ABI1: variants seen among roughly 807,000 people sequenced by gnomAD.
The protein encoded by ABI1 is Abelson interactor 1.
Under a neutral mutation model 54.6 loss-of-function variants are expected in ABI1, and 14 were observed. The observed-to-expected ratio is 0.26, with a 90% CI of 0.17 to 0.40. The LOEUF is 0.40. ABI1 is among the 10% of genes least tolerant of loss of function. The pLI is 1.00. For synonymous variants in ABI1, 194 were observed against 209.3 expected, an observed-to-expected ratio of 0.93 and a Z score of 0.63; for missense variants, 443 against 598.3, an observed-to-expected ratio of 0.74 and a Z score of 2.71.
At chr10:26,755,847 A>G (rs773944284) in intron 8 of ABI1, 106 bp from the exon 9 acceptor site, 417 of 701,552 alleles carry the variant, frequency 5.9e-4, no homozygotes, top group Non-Finnish European at 6.7e-4. Context: ...ATAAGTATGC[A>G]AAGAACAGTT....
intron 1 of ABI1, among the ~76,000 whole-genome samples, chr10:26,834,070 A>G (rs1387469307): frequency 2.0e-5 from 3 of 152,116 alleles, no homozygotes; most frequent in Non-Finnish European, 4.4e-5. Flanking sequence ...GCTCTGCTAA[A>G]AAAACAAAAA....
chr10:26,817,290 G>A (rs12256219), intron 2 of ABI1, among the ~76,000 whole-genome samples: 32,056 of 151,898 alleles, frequency 0.21, 3,579 homozygotes, highest in African/African-American at 0.3. Flanking sequence ...CACCATGTCC[G>A]GCCAAGAGAT....
At chr10:26,789,113 G>A (rs1843095169) in intron 2 of ABI1, 1 of 152,088 alleles carries the variant, frequency 6.6e-6, no homozygotes, top group Non-Finnish European at 1.5e-5. Context: ...TTGGAGCCAT[G>A]CAGCTTCCCG....
chr10:26,764,849 C>CA (rs1554807962), intron 7 of ABI1, among the ~76,000 whole-genome samples: 2 of 152,124 alleles, frequency 1.3e-5, no homozygotes, highest in Non-Finnish European at 1.5e-5. Context: ...AGGTTATATG[C>CA]AAATACTACA....
chr10:26,784,938 G>A (rs1373166693), intron 2 of ABI1, among the ~76,000 whole-genome samples: 2 of 152,148 alleles, frequency 1.3e-5, no homozygotes, highest in African/African-American at 4.8e-5. Flanking sequence ...AGTAAAGTCA[G>A]CACAGAAACA....
chr10:26,813,083 T>C (rs971364971), intron 2 of ABI1, among the ~76,000 whole-genome samples: 1 of 152,014 alleles, frequency 6.6e-6, no homozygotes, highest in Non-Finnish European at 1.5e-5. Flanking sequence ...ACCCCGTCTC[T>C]AAGAAAAATA....
intron 7 of ABI1, chr10:26,764,013 AT>A: frequency 7.2e-7 from 1 of 1,384,848 alleles, no homozygotes; most frequent in East Asian, 2.3e-5. Flanking sequence ...AAAACTCAAC[AT>A]TTTGAAACAG....
At chr10:26,854,358 T>C (rs888528426) in intron 1 of ABI1, among the ~76,000 whole-genome samples, 4 of 151,518 alleles carry the variant, frequency 2.6e-5, no homozygotes, top group Admixed American at 1.3e-4. Context: ...ATATGCAGTA[T>C]TCTCACCTTG....
At chr10:26,833,618 C>T in intron 1 of ABI1, among the ~76,000 whole-genome samples, 1 of 152,112 alleles carries the variant, frequency 6.6e-6, no homozygotes, top group Non-Finnish European at 1.5e-5. Context: ...TAACTCCTTC[C>T]ATGTTAACAA....
chr10:26,815,925 AT>A (rs886272756), intron 2 of ABI1, among the ~76,000 whole-genome samples: 2 of 152,234 alleles, frequency 1.3e-5, no homozygotes, highest in African/African-American at 4.8e-5. Flanking sequence ...AAACATAAAA[AT>A]AAATAAATTT....
chr10:26,765,149 A>G, intron 7 of ABI1, 69 bp downstream of exon 7: 1 of 1,125,862 alleles, frequency 8.9e-7, no homozygotes, highest in Non-Finnish European at 1.3e-6. Flanking sequence ...TGACTAATTT[A>G]TTTCAGCCTT....
In ABI1 at chr10:26,860,909, G is replaced by A. The variant is rs747854690; in HGVS notation, c.-46C>T. ...TTCCTCTCGCGTTAAAGAGACAGAG[G>A]CAGCAAGGTCCGCCGAGGCTCCGAG... On this transcript the variant is annotated 5_prime_UTR_variant, in exon 1 of 11. Coordinates refer to ENST00000376140, the MANE Select transcript of ABI1 (RefSeq NM_001012750.3). The surrounding 1 kb of genome is among the most constrained non-coding windows in gnomAD (Gnocchi z 4.1). 6 of 1,573,560 alleles carry A rather than the reference G, an allele frequency of 3.8e-6. No homozygotes were observed. The East Asian group carries it at 1.3e-4, about 35-fold the overall frequency.
intron 7 of ABI1, among the ~76,000 whole-genome samples, chr10:26,764,462 G>C (rs1169841552): frequency 6.6e-6 from 1 of 152,168 alleles, no homozygotes; most frequent in Non-Finnish European, 1.5e-5. Flanking sequence ...CACCAGAGTA[G>C]ATACTGGCCT....
At chr10:26,787,642 CGA>C (rs1842873327) in intron 2 of ABI1, among the ~76,000 whole-genome samples, 1 of 152,108 alleles carries the variant, frequency 6.6e-6, no homozygotes, top group South Asian at 2.1e-4. Flanking sequence ...GTTCACCAAG[CGA>C]GAGTTAGCTT....
Position 26,748,453 on chromosome 10 carries a change from ACAG to A in ABI1, c.*114_*116del. On this transcript the variant is annotated 3_prime_UTR_variant, in exon 11 of 11. Transcript: ENST00000376140. Reference sequence around the variant, plus strand: ...GGTAGACATTCAATTTACCAATAAAACAGCATGTTCTGAAAATATGGGCACATT... The same window carrying A: ...GGTAGACATTCAATTTACCAATAAAACATGTTCTGAAAATATGGGCACATT... 1.3e-6 allele frequency: 1 copy of A among 754,738 alleles called. No homozygotes were observed. Among genetic ancestry groups the A allele is most frequent in the Non-Finnish European group, 2.0e-6 (1 of 498,608 alleles). 46.8% of individuals were successfully genotyped at this position (754,738 alleles called of 1,614,324 possible). A position where few individuals can be genotyped will look rare whatever the true frequency, so the allele number is the denominator to read the frequency against.
chr10:26,825,411 A>G (rs2048247792), intron 1 of ABI1, among the ~76,000 whole-genome samples: 1 of 152,184 alleles, frequency 6.6e-6, no homozygotes, highest in South Asian at 2.1e-4. Context: ...CTGTAATCCC[A>G]GCACTTTGGG....
chr10:26,842,937 G>A (rs563078688), intron 1 of ABI1, among the ~76,000 whole-genome samples: 14 of 152,110 alleles, frequency 9.2e-5, no homozygotes, highest in African/African-American at 2.6e-4. Flanking sequence ...CCAGCTACTC[G>A]GGAAGCTGAG....
rs1575607 is a variant in ABI1, at chr10:26,781,693, T to A, written c.286-4452A>T. On this transcript the variant is annotated intron_variant, in intron 2 of 10. Coordinates refer to ENST00000376140, the MANE Select transcript of ABI1 (RefSeq NM_001012750.3). ...CTGCCTAGGTATTTAGTCAGCCACTTGGAAAACTACAGAATGACATATTTA... is the reference window on the plus strand; with the variant it reads ...CTGCCTAGGTATTTAGTCAGCCACTAGGAAAACTACAGAATGACATATTTA... Among the ~76,000 whole-genome samples, 1,291 of 152,304 alleles carry A rather than the reference T, an allele frequency of 8.5e-3. 14 individuals are homozygous for A. Among genetic ancestry groups the A allele is most frequent in the Non-Finnish European group, 0.013 (902 of 68,018 alleles).
chr10:26,819,662 C>A (rs1369044923), intron 2 of ABI1, among the ~76,000 whole-genome samples: 1 of 152,106 alleles, frequency 6.6e-6, no homozygotes, highest in Non-Finnish European at 1.5e-5. Context: ...CAAGACAGAG[C>A]ATATTCTGGG....
Sources: gnomAD v4.1 joint callset for allele counts (sites outside exome capture counted in the v4.1 genomes callset) on GRCh38, gnomAD v4.1.1 for gene constraint, Gnocchi (gnomAD v3.1) non-coding constraint, MANE v1.5 for transcripts, NCBI Gene and HGNC (gene_info 2026-07-23, HGNC 2026-07-21) for gene names.